The following PLEKHA7 variants were observed in gnomAD, a reference collection of about 807,000 sequenced individuals.
PLEKHA7 encodes the protein pleckstrin homology domain-containing family A member 7.
PLEKHA7 carries 104 observed loss-of-function variants against 170.0 expected under a neutral mutation model. The observed-to-expected ratio is 0.61, with a 90% CI of 0.52 to 0.72. The LOEUF is 0.72. Ranked by LOEUF, PLEKHA7 falls within the 30% of genes least tolerant of loss-of-function variation. The probability of loss-of-function intolerance (pLI) is 0.00; values close to 1 mark genes in which losing one functional copy is unlikely to be tolerated. For missense variants in PLEKHA7, 1,615 were observed against 1,671.7 expected (o/e 0.97, Z 0.59); for synonymous variants, 648 against 660.8 (o/e 0.98, Z 0.30).
At chr11:16,884,851 G>GT (rs1419788342) in intron 3 of PLEKHA7, among the ~76,000 whole-genome samples, 1 of 152,058 alleles carries the variant, frequency 6.6e-6, no homozygotes, top group Non-Finnish European at 1.5e-5. Flanking sequence ...TTTTTTTACA[G>GT]TAAAGAAATT....
chr11:16,845,569 G>A (rs113921669), intron 8 of PLEKHA7, among the ~76,000 whole-genome samples: 5,031 of 152,200 alleles, frequency 0.033, 286 homozygotes, highest in African/African-American at 0.11. Flanking sequence ...GTTTCATCAT[G>A]TTGCCCAGGC....
chr11:16,880,989 A>T (rs1027570394), intron 3 of PLEKHA7, among the ~76,000 whole-genome samples: 24 of 77,872 alleles, frequency 3.1e-4, no homozygotes, highest in Non-Finnish European at 7.5e-4. Context: ...GCAAACACAG[A>T]GACAGAGGCA....
At chr11:16,946,062 A>G (rs916076066) in intron 3 of PLEKHA7, among the ~76,000 whole-genome samples, 17 of 152,182 alleles carry the variant, frequency 1.1e-4, no homozygotes, top group African/African-American at 4.1e-4. Flanking sequence ...CTCCTCACTT[A>G]GTGGGAAGCC....
intron 13 of PLEKHA7, among the ~76,000 whole-genome samples, chr11:16,811,576 T>C (rs964296963): frequency 1.3e-5 from 2 of 152,194 alleles, no homozygotes; most frequent in African/African-American, 4.8e-5. Context: ...TGGGCTGGGC[T>C]GCCACATTTG....
intron 3 of PLEKHA7, among the ~76,000 whole-genome samples, chr11:16,982,381 C>A (rs1200663159): frequency 6.6e-6 from 1 of 152,220 alleles, no homozygotes; most frequent in Non-Finnish European, 1.5e-5. Flanking sequence ...CAGCACCTGG[C>A]CCCCACCCCA....
intron 3 of PLEKHA7, among the ~76,000 whole-genome samples, chr11:16,886,485 T>A (rs1260912909): frequency 4.6e-5 from 7 of 152,132 alleles, no homozygotes; most frequent in Non-Finnish European, 1.5e-5. Flanking sequence ...CTGAGGCAAG[T>A]GGATCACCTG....
chr11:17,004,703 C>T (rs990951673), intron 3 of PLEKHA7, among the ~76,000 whole-genome samples: 2 of 151,956 alleles, frequency 1.3e-5, no homozygotes, highest in Admixed American at 1.3e-4. Context: ...CAGTATACAA[C>T]TTTAGAGAAG....
Position 16,803,214 on chromosome 11 carries a change from T to C in PLEKHA7, c.2076+13A>G, listed in dbSNP as rs374025177. 6.2e-6 allele frequency: 10 copies of C among 1,611,770 alleles called. No individual in the cohort carries two copies. The African/African-American group carries it at 1.3e-4, about 21-fold the overall frequency. ...GGCAGCTGAGGGGTCAGCGTGTCAC[T>C]CTGCTCACTCACGTCAGTGTCGCTC... On this transcript the variant is annotated intron_variant, in intron 14 of 26. Transcript: ENST00000531066.
At chr11:17,001,220 CAG>C (rs1864644449) in intron 3 of PLEKHA7, among the ~76,000 whole-genome samples, 1 of 152,186 alleles carries the variant, frequency 6.6e-6, no homozygotes, top group Admixed American at 6.5e-5. Context: ...AGGGCAGAAA[CAG>C]TGAGCTTCAT....
chr11:16,885,837 T>C (rs1856055419), intron 3 of PLEKHA7, among the ~76,000 whole-genome samples: 1 of 148,050 alleles, frequency 6.8e-6, no homozygotes, highest in African/African-American at 2.5e-5. Context: ...CTACTAAAAA[T>C]ACAAAAAAAA....
chr11:16,870,184 C>G (rs1854714698), intron 4 of PLEKHA7, among the ~76,000 whole-genome samples: 1 of 152,184 alleles, frequency 6.6e-6, no homozygotes, highest in Admixed American at 6.5e-5. Flanking sequence ...ACAGAAAGAA[C>G]TCAGAATGTC....
chr11:17,012,153 C>G (rs908296075), intron 3 of PLEKHA7, among the ~76,000 whole-genome samples: 2 of 152,208 alleles, frequency 1.3e-5, no homozygotes, highest in South Asian at 4.1e-4. Context: ...AATCTCCTCA[C>G]AGTGATCGTT....
intron 9 of PLEKHA7, among the ~76,000 whole-genome samples, chr11:16,831,580 G>A (rs1331206179): frequency 6.6e-6 from 1 of 152,186 alleles, no homozygotes; most frequent in African/African-American, 2.4e-5. Context: ...CAAAAACACA[G>A]GAAATTCCTG....
At chr11:16,986,159 G>C (rs1048388276) in intron 3 of PLEKHA7, among the ~76,000 whole-genome samples, 1 of 152,200 alleles carries the variant, frequency 6.6e-6, no homozygotes, top group Non-Finnish European at 1.5e-5. Flanking sequence ...GACACAGGAA[G>C]AGAAGCCCAA....
chr11:16,883,231 G>C (rs997659926), intron 3 of PLEKHA7, among the ~76,000 whole-genome samples: 3 of 152,156 alleles, frequency 2.0e-5, no homozygotes, highest in African/African-American at 2.4e-5. Context: ...AAGTTGGCAA[G>C]CTTCGAAGAC....
chr11:16,931,930 G>C (rs1339578314), intron 3 of PLEKHA7, among the ~76,000 whole-genome samples: 1 of 152,026 alleles, frequency 6.6e-6, no homozygotes, highest in Non-Finnish European at 1.5e-5. Context: ...ACACAGGAAG[G>C]TCTATAAAAC....
At chr11:16,790,045 G>T in intron 21 of PLEKHA7, 167 bp from the exon 22 acceptor site, 1 of 657,972 alleles carries the variant, frequency 1.5e-6, no homozygotes, top group Non-Finnish European at 2.7e-6. Flanking sequence ...CCCCAATAGA[G>T]GATGGGGGCC....
chr11:16,933,376 G>A (rs1860075781), intron 3 of PLEKHA7, among the ~76,000 whole-genome samples: 1 of 152,224 alleles, frequency 6.6e-6, no homozygotes, highest in African/African-American at 2.4e-5. Context: ...GAGCTAAAGA[G>A]ACTGCTGCAG....
chr11:16,847,242 G>A (rs1672162214), intron 8 of PLEKHA7, among the ~76,000 whole-genome samples: 1 of 151,728 alleles, frequency 6.6e-6, no homozygotes, highest in African/African-American at 2.4e-5. Context: ...GACTACAGGC[G>A]CCAGCCACCA....
Sources: allele counts gnomAD v4.1 joint callset (sites outside exome capture counted in the v4.1 genomes callset), GRCh38; gene constraint gnomAD v4.1.1; transcripts MANE v1.5; gene names NCBI Gene and HGNC (gene_info 2026-07-23, HGNC 2026-07-21).